Variants in PCDHA11 observed in about 807,000 individuals in gnomAD.
PCDHA11 encodes protocadherin alpha-11.
PCDHA11 carries 61 observed loss-of-function variants against 70.3 expected under a neutral mutation model. The ratio of observed to expected loss-of-function variants is 0.87; its 90% CI spans 0.71 to 1.07. PCDHA11 has a LOEUF of 1.07. Ranked by LOEUF, PCDHA11 falls within the 50% of genes least tolerant of loss-of-function variation. PCDHA11 has a pLI of 0.00. For missense variants in PCDHA11, 1,324 were observed against 1,237.5 expected (o/e 1.07, Z -1.05); for synonymous variants, 633 against 555.1 (o/e 1.14, Z -1.97).
chr5:140,981,959 A>C (rs76200785), intron 2 of PCDHA11, among the ~76,000 whole-genome samples: 3,104 of 152,312 alleles, frequency 0.02, 114 homozygotes, highest in African/African-American at 0.071. Flanking sequence ...TCATCTATGC[A>C]TAAAAGATAT....
chr5:140,869,176 G>C lies in PCDHA11; in HGVS notation c.73G>C (p.Glu25Gln), dbSNP rs200962401. The C allele has an allele frequency of 2.8e-5, 45 of 1,613,986 alleles. No individual in the cohort carries two copies. The East Asian group carries it at 9.6e-4, about 34-fold the overall frequency. Residue 25 changes from glutamate to glutamine, a missense_variant, in exon 1 of 4, where the codon GAG becomes CAG. Physicochemically the swap from Glu to Gln is conservative, Grantham distance 29. Coordinates refer to ENST00000398640, the MANE Select transcript of PCDHA11 (RefSeq NM_018902.5). ...QLWLLLLEFW[E>Q]VGSGQLHYSV... Reference sequence around the variant, plus strand: ...CTGGCTTCTCCTCCTCGAATTCTGGGAGGTGGGGAGCGGCCAGCTCCACTA... The same window carrying C: ...CTGGCTTCTCCTCCTCGAATTCTGGCAGGTGGGGAGCGGCCAGCTCCACTA...
At chr5:140,872,977 GC>G (rs1326111410) in intron 1 of PCDHA11, among the ~76,000 whole-genome samples, 3 of 152,086 alleles carry the variant, frequency 2.0e-5, no homozygotes, top group African/African-American at 7.2e-5. Context: ...GAAGATTTGA[GC>G]AAAGATCATT....
chr5:140,869,521 C>T lies in PCDHA11; in HGVS notation c.418C>T (p.Leu140=), dbSNP rs782236624. Residue 140 remains leucine (L), a synonymous_variant, in exon 1 of 4, where the codon CTG becomes TTG. Coordinates refer to ENST00000398640, the MANE Select transcript of PCDHA11 (RefSeq NM_018902.5). ...GGTGTTCTCGCTCAGAGAACAAAAG[C>T]TGCTGATTGCGGAATCTAAGCAATC... ...PPVFSLREQK[L]LIAESKQSDS... 2.5e-6 allele frequency: 4 copies of T among 1,614,064 alleles called. No individual in the cohort carries two copies. Among genetic ancestry groups the T allele is most frequent in the Non-Finnish European group, 2.5e-6 (3 of 1,180,036 alleles).
intron 1 of PCDHA11, chr5:140,875,470 G>T: frequency 6.2e-7 from 1 of 1,605,786 alleles, no homozygotes; most frequent in Non-Finnish European, 8.5e-7. Context: ...CTCATTTTCT[G>T]CAATGGTGAT....
chr5:141,001,164 A>T (rs2097995699), intron 3 of PCDHA11, among the ~76,000 whole-genome samples: 1 of 152,102 alleles, frequency 6.6e-6, no homozygotes, highest in East Asian at 1.9e-4. Context: ...AATAAGTAAA[A>T]TTTAACGAGT....
chr5:140,977,359 A>G (rs1335405602), intron 1 of PCDHA11, among the ~76,000 whole-genome samples: 6 of 152,212 alleles, frequency 3.9e-5, no homozygotes, highest in Non-Finnish European at 8.8e-5. Context: ...TGATTGATAA[A>G]AAGTATTTTA....
chr5:140,882,054 C>T, intron 1 of PCDHA11: 1 of 781,668 alleles, frequency 1.3e-6, no homozygotes. Context: ...CATACTTACA[C>T]TTACACGTTC....
At chr5:140,915,626 G>GTCTC (rs57920489) in intron 1 of PCDHA11, among the ~76,000 whole-genome samples, 42,931 of 146,342 alleles carry the variant, frequency 0.29, 6,396 homozygotes, top group East Asian at 0.48. Context: ...GTCTCTTTCT[G>GTCTC]TCTCTCTCTC....
At chr5:140,942,731 T>C (rs1404765148) in intron 1 of PCDHA11, among the ~76,000 whole-genome samples, 4 of 152,052 alleles carry the variant, frequency 2.6e-5, no homozygotes, top group Non-Finnish European at 5.9e-5. Flanking sequence ...TGTTGAAAAA[T>C]ATTTTAAAAT....
At chr5:140,966,528 G>C in intron 1 of PCDHA11, 1 of 446,634 alleles carries the variant, frequency 2.2e-6, no homozygotes, top group Non-Finnish European at 3.9e-6. Context: ...AGCCGAGCCG[G>C]GTTGAGCGAC....
chr5:140,876,580 G>T, intron 1 of PCDHA11: 1 of 1,614,190 alleles, frequency 6.2e-7, no homozygotes, highest in African/African-American at 1.3e-5. Context: ...TACCGTCATT[G>T]CCCTGATTAG....
chr5:141,004,619 G>C (rs1004302739), intron 3 of PCDHA11, among the ~76,000 whole-genome samples: 9 of 152,136 alleles, frequency 5.9e-5, no homozygotes, highest in Non-Finnish European at 1.0e-4. Context: ...GCAGAGTCCT[G>C]GTTATGGTTG....
intron 1 of PCDHA11, among the ~76,000 whole-genome samples, chr5:140,937,093 A>G (rs1466127180): frequency 6.8e-6 from 1 of 146,414 alleles, no homozygotes; most frequent in African/African-American, 2.6e-5. Context: ...GCTGGAGTGC[A>G]GTGGCGCAGT....
At chr5:140,926,620 C>G in intron 1 of PCDHA11, 1 of 385,534 alleles carries the variant, frequency 2.6e-6, no homozygotes, top group Admixed American at 4.4e-5. Context: ...CACCCCTAGG[C>G]GGCGCTGCGC....
chr5:140,985,902 T>G (rs1026675848), intron 3 of PCDHA11, among the ~76,000 whole-genome samples: 2 of 151,212 alleles, frequency 1.3e-5, no homozygotes, highest in Non-Finnish European at 2.9e-5. Flanking sequence ...ACCACTCCCG[T>G]CTAATTTTTT....
intron 1 of PCDHA11, among the ~76,000 whole-genome samples, chr5:140,908,155 G>C (rs559304647): frequency 6.6e-6 from 1 of 152,194 alleles, no homozygotes; most frequent in Non-Finnish European, 1.5e-5. Context: ...TCCTAGGAAG[G>C]GGCTGTAGTG....
chr5:140,879,475 A>G (rs567061434), intron 1 of PCDHA11, among the ~76,000 whole-genome samples: 1 of 152,326 alleles, frequency 6.6e-6, no homozygotes, highest in Non-Finnish European at 1.5e-5. Flanking sequence ...TACCGTTGTG[A>G]TTGGAAATAT....
At chr5:140,917,324 C>CGGT (rs2078038330) in intron 1 of PCDHA11, among the ~76,000 whole-genome samples, 1 of 76,126 alleles carries the variant, frequency 1.3e-5, no homozygotes, top group Admixed American at 1.5e-4. Flanking sequence ...GTTCATGTGG[C>CGGT]GGGGGAGGGG....
rs58232896 is a variant in PCDHA11 at position 140,946,262 on chromosome 5, C to T, written c.2392-32687C>T. Among the ~76,000 whole-genome samples the T allele has an allele frequency of 3.4e-3, 520 of 151,790 alleles. 2 individuals are homozygous for T. Among genetic ancestry groups the T allele is most frequent in the African/African-American group, 0.012 (483 of 41,394 alleles). On this transcript the variant is annotated intron_variant, in intron 1 of 3. Transcript: ENST00000398640. Reference sequence around the variant, plus strand: ...AACATCATGAATCATCAGAAAAATGCGAATTAAAACCCCAATGAGATATCA... The same window carrying T: ...AACATCATGAATCATCAGAAAAATGTGAATTAAAACCCCAATGAGATATCA...
Sources: allele counts gnomAD v4.1 joint callset (sites outside exome capture counted in the v4.1 genomes callset), GRCh38; gene constraint gnomAD v4.1.1; transcripts MANE v1.5; gene names NCBI Gene and HGNC (gene_info 2026-07-23, HGNC 2026-07-21).